GRB2: variants seen among roughly 807,000 people sequenced by gnomAD.
GRB2 encodes the protein growth factor receptor bound protein 2, also known as growth factor receptor-bound protein 2.
Under a neutral mutation model 27.4 loss-of-function variants are expected in GRB2, and 2 were observed. The observed-to-expected ratio is 0.07, with a 90% CI of 0.03 to 0.23. GRB2 has a LOEUF of 0.23. Among genes scored for constraint, GRB2 ranks in the 10% least tolerant of loss-of-function variants. The probability of loss-of-function intolerance (pLI) is 1.00; values close to 1 mark genes in which losing one functional copy is unlikely to be tolerated. For missense variants in GRB2, 102 were observed against 282.4 expected (o/e 0.36, Z 4.58); for synonymous variants, 94 against 99.6 (o/e 0.94, Z 0.33).
rs1555610715 is a variant in GRB2 at position 75,354,264 on chromosome 17, T to TTGGG, written c.79-21468_79-21467insCCCA. 7.2e-3 allele frequency among the ~76,000 whole-genome samples: 276 copies of TTGGG among 38,192 alleles called. 37 individuals carry two copies. Among genetic ancestry groups the TTGGG allele is most frequent in the South Asian group, 0.025 (25 of 998 alleles). 25.1% of individuals were successfully genotyped at this position (38,192 alleles called of 152,430 possible). ...AAAGTTTATTCATGGTCTTTTTTTT[T>TTGGG]GGGGGGGGGGGGGAGATGGAGTTTC... is the stretch of plus-strand genomic sequence containing the variant. On this transcript the variant is annotated intron_variant, in intron 2 of 5. Transcript: ENST00000316804.
At chr17:75,377,297 G>A (rs1676492684) in intron 2 of GRB2, among the ~76,000 whole-genome samples, 2 of 152,136 alleles carry the variant, frequency 1.3e-5, no homozygotes, top group South Asian at 2.1e-4. Flanking sequence ...CTCCAGCCTG[G>A]GGTGACAGAA....
At chr17:75,386,267 C>T (rs541185242) in intron 2 of GRB2, among the ~76,000 whole-genome samples, 2 of 152,110 alleles carry the variant, frequency 1.3e-5, no homozygotes, top group Non-Finnish European at 2.9e-5. Flanking sequence ...TAGAGGCACA[C>T]ACCACCACGC....
At position 75,346,773 on chromosome 17, in the gene GRB2, G is replaced by A. The variant is rs137888749; in HGVS notation, c.79-13976C>T. On this transcript the variant is annotated intron_variant, in intron 2 of 5. Coordinates refer to ENST00000316804, the MANE Select transcript of GRB2 (RefSeq NM_002086.5). ...TTTAGTAGAGACGGGGTTTCATCAT[G>A]TTGGCCAGGCTAGTCTCAAACTCCT... 5.4e-4 allele frequency among the ~76,000 whole-genome samples: 82 copies of A among 151,928 alleles called. 1 individual carries two copies. In the East Asian group the frequency reaches 0.013, roughly 23 times the overall value.
At chr17:75,365,926 T>TC (rs2078816311) in intron 2 of GRB2, among the ~76,000 whole-genome samples, 1 of 152,156 alleles carries the variant, frequency 6.6e-6, no homozygotes, top group Non-Finnish European at 1.5e-5. Flanking sequence ...ATACCATTTT[T>TC]CACACTATTT....
chr17:75,323,044 G>A (rs1383482328), intron 4 of GRB2, among the ~76,000 whole-genome samples: 4 of 151,420 alleles, frequency 2.6e-5, no homozygotes, highest in East Asian at 3.9e-4. Flanking sequence ...GTGTGAACCC[G>A]GGAGGAGGAG....
intron 2 of GRB2, among the ~76,000 whole-genome samples, chr17:75,379,866 T>C (rs1195931452): frequency 1.3e-5 from 2 of 152,326 alleles, no homozygotes; most frequent in South Asian, 2.1e-4. Flanking sequence ...AATGGAAACA[T>C]GAACCTCTGG....
At chr17:75,385,030 A>C (rs1421743363) in intron 2 of GRB2, among the ~76,000 whole-genome samples, 7 of 58,208 alleles carry the variant, frequency 1.2e-4, no homozygotes, top group Admixed American at 2.6e-4. Flanking sequence ...TGGCTCTACC[A>C]AAAAAAAAAA....
At position 75,318,230 on chromosome 17, in the gene GRB2, A is replaced by C. The variant is rs2078429240; in HGVS notation, c.*2138T>G. On this transcript the variant is annotated 3_prime_UTR_variant, in exon 6 of 6. Transcript: ENST00000316804. ...AAACTTAGTTCAGCAAGGCTTCATG[A>C]TATACACCAATTCCAAAATAAAACA... 1.3e-5 allele frequency: 2 copies of C among 152,312 alleles called. No individual in the cohort carries two copies. The highest frequency in any genetic ancestry group is 4.1e-4 in the South Asian group (2 of 4,832). The allele number at this position is 152,312 out of a possible 1,614,324, so 9.4% of individuals were successfully genotyped here.
chr17:75,354,922 G>A (rs149389352), intron 2 of GRB2, among the ~76,000 whole-genome samples: 77 of 152,222 alleles, frequency 5.1e-4, no homozygotes, highest in African/African-American at 1.7e-3. Context: ...TCAGCACTTC[G>A]GGAGTCTCCC....
chr17:75,383,160 T>C (rs1319248036), intron 2 of GRB2, among the ~76,000 whole-genome samples: 1 of 151,408 alleles, frequency 6.6e-6, no homozygotes, highest in Non-Finnish European at 1.5e-5. Context: ...ACTATGAGTT[T>C]TTCCCAAGGC....
Position 75,319,392 on chromosome 17 carries a change from C to T in GRB2, c.*976G>A, listed in dbSNP as rs2078441143. The T allele has an allele frequency of 6.7e-6, 1 of 148,704 alleles. No individual in the cohort carries two copies. The highest frequency in any genetic ancestry group is 1.5e-5 in the Non-Finnish European group (1 of 67,352). 9.2% of individuals were successfully genotyped at this position (148,704 alleles called of 1,614,324 possible). A position where few individuals can be genotyped will look rare whatever the true frequency, so the allele number is the denominator to read the frequency against. ...AGGCACTATGAAAAAACAACATGCTCGATAATCCCACTGGAAGGGCCAACA... is the reference window on the plus strand; with the variant it reads ...AGGCACTATGAAAAAACAACATGCTTGATAATCCCACTGGAAGGGCCAACA... On this transcript the variant is annotated 3_prime_UTR_variant, in exon 6 of 6. Transcript: ENST00000316804.
chr17:75,385,918 T>C (rs1028447106), intron 2 of GRB2, among the ~76,000 whole-genome samples: 2 of 152,158 alleles, frequency 1.3e-5, no homozygotes, highest in African/African-American at 4.8e-5. Context: ...ACCCCACTAA[T>C]TGGTTTTGCT....
chr17:75,395,503 C>CA (rs1284262185), intron 1 of GRB2, among the ~76,000 whole-genome samples: 1 of 152,184 alleles, frequency 6.6e-6, no homozygotes, highest in Admixed American at 6.5e-5. Context: ...TTTTAAAAGT[C>CA]AGAGTATTAA....
intron 2 of GRB2, among the ~76,000 whole-genome samples, chr17:75,377,658 G>C (rs1273687521): frequency 6.9e-6 from 1 of 144,696 alleles, no homozygotes; most frequent in African/African-American, 2.6e-5. Flanking sequence ...TGTAATCCCA[G>C]TACTTTGGGA....
At chr17:75,353,735 G>C (rs2078709380) in intron 2 of GRB2, among the ~76,000 whole-genome samples, 1 of 151,180 alleles carries the variant, frequency 6.6e-6, no homozygotes, top group South Asian at 2.1e-4. Context: ...ACTCCAGCCT[G>C]GGCAACAACA....
rs1226896740 is a variant in GRB2 at position 75,319,875 on chromosome 17, A to G, written c.*493T>C. ...CCTACAAGTCCCCTCCTCTGGAGGA[A>G]GCTAAACAGCAAAGGCATCGAGCGG... is the stretch of plus-strand genomic sequence containing the variant. On this transcript the variant is annotated 3_prime_UTR_variant, in exon 6 of 6. Coordinates refer to ENST00000316804, the MANE Select transcript of GRB2 (RefSeq NM_002086.5). The G allele has an allele frequency of 6.5e-6, 1 of 153,942 alleles. No homozygotes were observed. Among genetic ancestry groups the G allele is most frequent in the Non-Finnish European group, 1.4e-5 (1 of 69,250 alleles). 9.5% of individuals were successfully genotyped at this position (153,942 alleles called of 1,614,324 possible).
At chr17:75,346,154 G>C (rs549578305) in intron 2 of GRB2, among the ~76,000 whole-genome samples, 1 of 127,764 alleles carries the variant, frequency 7.8e-6, no homozygotes, top group South Asian at 2.7e-4. Context: ...TCTTCCTCTC[G>C]GCCACTGATT....
chr17:75,385,565 G>T (rs968907225), intron 2 of GRB2, among the ~76,000 whole-genome samples: 1 of 151,986 alleles, frequency 6.6e-6, no homozygotes, highest in African/African-American at 2.4e-5. Context: ...ATAAAAAAAG[G>T]GAAAAGAACA....
intron 2 of GRB2, among the ~76,000 whole-genome samples, chr17:75,376,026 G>GA (rs58559493): frequency 0.67 from 43,607 of 65,278 alleles, 16,336 homozygotes; most frequent in East Asian, 0.89. Flanking sequence ...CTCCGTCTCA[G>GA]AAAAAAAAAA....
Sources: allele counts gnomAD v4.1 joint callset (sites outside exome capture counted in the v4.1 genomes callset), GRCh38; gene constraint gnomAD v4.1.1; transcripts MANE v1.5; gene names NCBI Gene and HGNC (gene_info 2026-07-23, HGNC 2026-07-21).